CDC5L: variants seen among roughly 807,000 people sequenced by gnomAD.
CDC5L encodes cell division cycle 5 like.
Under a neutral mutation model 104.1 loss-of-function variants are expected in CDC5L, and 18 were observed. The ratio of observed to expected loss-of-function variants is 0.17; its 90% CI spans 0.12 to 0.26. The LOEUF (loss-of-function observed/expected upper bound fraction) is 0.26. CDC5L is among the 10% of genes least tolerant of loss of function. The pLI is 1.00. For missense variants in CDC5L, 673 were observed against 956.9 expected (o/e 0.70, Z 3.91); for synonymous variants, 331 against 322.7 (o/e 1.03, Z -0.28).
chr6:44,429,309 C>T (rs905199978), intron 13 of CDC5L, among the ~76,000 whole-genome samples: 12 of 152,068 alleles, frequency 7.9e-5, no homozygotes, highest in Admixed American at 3.3e-4. Context: ...AGGGAGCCAC[C>T]GTGCCTGGCC....
At chr6:44,418,064 A>G (rs1243030662) in intron 8 of CDC5L, among the ~76,000 whole-genome samples, 1 of 152,174 alleles carries the variant, frequency 6.6e-6, no homozygotes, top group Non-Finnish European at 1.5e-5. Flanking sequence ...TTACATATGT[A>G]TACATGTGCC....
At chr6:44,425,852 C>T (rs1172621913) in intron 11 of CDC5L, among the ~76,000 whole-genome samples, 1 of 151,688 alleles carries the variant, frequency 6.6e-6, no homozygotes, top group Non-Finnish European at 1.5e-5. Context: ...AAGTTTGTTA[C>T]GTGATATGGA....
At chr6:44,422,562 G>A (rs1792236133) in intron 9 of CDC5L, 85 bp from the exon 10 acceptor site, 1 of 852,310 alleles carries the variant, frequency 1.2e-6, no homozygotes, top group Non-Finnish European at 1.8e-6. Flanking sequence ...TATATTTCCT[G>A]TGAAATAATT....
At chr6:44,395,290 G>C (rs1790820038) in intron 4 of CDC5L, among the ~76,000 whole-genome samples, 1 of 152,116 alleles carries the variant, frequency 6.6e-6, no homozygotes, top group Admixed American at 6.5e-5. Flanking sequence ...CAAGGTGATG[G>C]GTACCCCAGA....
At chr6:44,388,524 C>T (rs1790452701) in intron 1 of CDC5L, among the ~76,000 whole-genome samples, 1 of 151,982 alleles carries the variant, frequency 6.6e-6, no homozygotes, top group Non-Finnish European at 1.5e-5. Context: ...TGGATAGTGC[C>T]ATTGGTGAGC....
intron 8 of CDC5L, among the ~76,000 whole-genome samples, chr6:44,413,130 G>A (rs987288866): frequency 6.6e-6 from 1 of 152,142 alleles, no homozygotes; most frequent in Non-Finnish European, 1.5e-5. Flanking sequence ...ATACCCATTA[G>A]CAGTTATTCC....
chr6:44,408,436 C>G lies in CDC5L; in HGVS notation c.904-8C>G, dbSNP rs1403574873. 2 of 1,604,038 alleles carry G rather than the reference C, an allele frequency of 1.2e-6. No homozygotes were observed. Among genetic ancestry groups the G allele is most frequent in the Non-Finnish European group, 1.7e-6 (2 of 1,172,684 alleles). On this transcript the variant is annotated splice_polypyrimidine_tract_variant and splice_region_variant and intron_variant, in intron 7 of 15. Coordinates refer to ENST00000371477, the MANE Select transcript of CDC5L (RefSeq NM_001253.4). The stretch of plus-strand genomic sequence containing the variant: ...ATGTTGCTTACTATGATAATTGTGT[C>G]CTTTTAGATTTCAGATGCAGAACTC...
chr6:44,448,489 A>G lies in CDC5L; in HGVS notation c.*1778A>G, dbSNP rs960001550. The stretch of plus-strand genomic sequence containing the variant: ...GAGCCTGATGCAGTGATCCAGACAA[A>G]AAAATAATAGTGATTCTAACTAGAG... On this transcript the variant is annotated 3_prime_UTR_variant, in exon 16 of 16. Coordinates refer to ENST00000371477, the MANE Select transcript of CDC5L (RefSeq NM_001253.4). 1 of 152,228 alleles carries G rather than the reference A, an allele frequency of 6.6e-6. No homozygotes were observed. Among genetic ancestry groups the G allele is most frequent in the African/African-American group, 2.4e-5 (1 of 41,460 alleles). 9.4% of individuals were successfully genotyped at this position (152,228 alleles called of 1,614,324 possible). A position where few individuals can be genotyped will look rare whatever the true frequency, so the allele number is the denominator to read the frequency against.
chr6:44,388,989 C>G (rs1790479090), intron 1 of CDC5L, among the ~76,000 whole-genome samples: 1 of 152,054 alleles, frequency 6.6e-6, no homozygotes, highest in South Asian at 2.1e-4. Context: ...ATATTTAGAT[C>G]AGAGTAGGGC....
At chr6:44,404,152 A>ATT in intron 6 of CDC5L, 125 bp downstream of exon 6, 7 of 567,200 alleles carry the variant, frequency 1.2e-5, no homozygotes, top group Non-Finnish European at 1.4e-5. Flanking sequence ...TTTAAAATCA[A>ATT]TTTTTTTTTT....
At chr6:44,444,319 T>C (rs1038394178) in intron 14 of CDC5L, among the ~76,000 whole-genome samples, 1 of 152,212 alleles carries the variant, frequency 6.6e-6, no homozygotes, top group Admixed American at 6.5e-5. Context: ...TTCTGTGGTT[T>C]AGGGAGATTC....
chr6:44,393,257 C>T (rs984571899), intron 3 of CDC5L, among the ~76,000 whole-genome samples, 189 bp from the exon 4 acceptor site: 2 of 146,292 alleles, frequency 1.4e-5, no homozygotes, highest in Non-Finnish European at 3.0e-5. Context: ...GTGATTGAAA[C>T]CAGTCACTGA....
At chr6:44,442,459 C>G (rs67565544) in intron 14 of CDC5L, among the ~76,000 whole-genome samples, 14,479 of 150,648 alleles carry the variant, frequency 0.096, 1,458 homozygotes, top group East Asian at 0.55. Flanking sequence ...CTTTTTATCT[C>G]TTGTCTGTCT....
At chr6:44,442,640 A>C (rs566193328) in intron 14 of CDC5L, among the ~76,000 whole-genome samples, 3 of 152,038 alleles carry the variant, frequency 2.0e-5, no homozygotes, top group Non-Finnish European at 4.4e-5. Flanking sequence ...TTTTTATATA[A>C]TATTTATTCC....
At chr6:44,398,632 T>C (rs1468714415) in intron 5 of CDC5L, among the ~76,000 whole-genome samples, 1 of 152,236 alleles carries the variant, frequency 6.6e-6, no homozygotes, top group Non-Finnish European at 1.5e-5. Context: ...ACATTTTTCC[T>C]TCTAGTATTG....
rs1321773561 is a variant in CDC5L, at chr6:44,424,586, G to A, written c.1569+3G>A. On this transcript the variant is annotated splice_donor_region_variant and intron_variant, in intron 11 of 15. Coordinates refer to ENST00000371477, the MANE Select transcript of CDC5L (RefSeq NM_001253.4). ...CTGATGTGGATGCTCGAAAGCAGGT[G>A]GGTAACTGTACTGAAAGAAGCGTGA... 6.2e-7 allele frequency: 1 copy of A among 1,613,532 alleles called. No individual in the cohort carries two copies. The highest frequency in any genetic ancestry group is 1.3e-5 in the African/African-American group (1 of 75,008).
chr6:44,394,899 C>T (rs1790797915), intron 4 of CDC5L, among the ~76,000 whole-genome samples: 1 of 139,272 alleles, frequency 7.2e-6, no homozygotes, highest in African/African-American at 2.7e-5. Context: ...TATACACACA[C>T]ACACACACAC....
At chr6:44,396,488 C>A in intron 5 of CDC5L, 48 bp downstream of exon 5, 3 of 1,122,508 alleles carry the variant, frequency 2.7e-6, no homozygotes, top group Non-Finnish European at 4.0e-6. Flanking sequence ...TCTCACATAA[C>A]AATCAACACA....
chr6:44,390,871 G>T (rs1790556352), intron 2 of CDC5L, among the ~76,000 whole-genome samples: 1 of 146,354 alleles, frequency 6.8e-6, no homozygotes, highest in Admixed American at 6.9e-5. Flanking sequence ...ATATTTTATA[G>T]TTAATATGTT....
Sources: gnomAD v4.1 joint callset for allele counts (sites outside exome capture counted in the v4.1 genomes callset) on GRCh38, gnomAD v4.1.1 for gene constraint, MANE v1.5 for transcripts, NCBI Gene and HGNC (gene_info 2026-07-23, HGNC 2026-07-21) for gene names.